The following GPR137C variants were observed in gnomAD, a reference collection of about 807,000 sequenced individuals.
GPR137C encodes integral membrane protein GPR137C.
Under a neutral mutation model 43.4 loss-of-function variants are expected in GPR137C, and 27 were observed. The ratio of observed to expected loss-of-function variants is 0.62; its 90% CI spans 0.46 to 0.86. The LOEUF is 0.86. Ranked by LOEUF, GPR137C falls within the 40% of genes least tolerant of loss-of-function variation. The pLI, the probability that GPR137C is intolerant of heterozygous loss-of-function variation, is 0.00. For synonymous variants in GPR137C, 285 were observed against 226.9 expected, an observed-to-expected ratio of 1.26 and a Z score of -2.30; for missense variants, 522 against 534.6, an observed-to-expected ratio of 0.98 and a Z score of 0.23.
intron 3 of GPR137C, among the ~76,000 whole-genome samples, chr14:52,619,213 C>T (rs2039132701): frequency 6.6e-6 from 1 of 152,104 alleles, no homozygotes; most frequent in Non-Finnish European, 1.5e-5. Context: ...TAATTCTATA[C>T]AGCTAACGCA....
intron 3 of GPR137C, among the ~76,000 whole-genome samples, chr14:52,606,396 CTTT>C (rs1208156795): frequency 6.6e-6 from 1 of 151,888 alleles, no homozygotes; most frequent in Non-Finnish European, 1.5e-5. Context: ...TTTTCTTTTT[CTTT>C]TTTATTTTAC....
intron 1 of GPR137C, among the ~76,000 whole-genome samples, chr14:52,556,814 A>G (rs1316241068): frequency 6.6e-6 from 1 of 152,036 alleles, no homozygotes; most frequent in Non-Finnish European, 1.5e-5. Flanking sequence ...AGTTGATGGT[A>G]TACCATCTTG....
At chr14:52,581,930 C>G (rs1205264468) in intron 1 of GPR137C, among the ~76,000 whole-genome samples, 1 of 152,222 alleles carries the variant, frequency 6.6e-6, no homozygotes, top group Non-Finnish European at 1.5e-5. Context: ...TCAGTACCTA[C>G]TATCTTCAAA....
At chr14:52,632,386 TTGA>T in intron 4 of GPR137C, 77 bp downstream of exon 4, 1 of 1,027,380 alleles carries the variant, frequency 9.7e-7, no homozygotes, top group Non-Finnish European at 1.4e-6. Context: ...ACTGTAGTGT[TTGA>T]CTTACAAACA....
At chr14:52,614,965 A>G (rs2039082484) in intron 3 of GPR137C, among the ~76,000 whole-genome samples, 1 of 152,160 alleles carries the variant, frequency 6.6e-6, no homozygotes, top group Admixed American at 6.5e-5. Flanking sequence ...TTAACTCGAT[A>G]GGATCCAATC....
In GPR137C at chr14:52,565,548, A is replaced by G. The variant is rs545843423; in HGVS notation, c.444+11957A>G. On this transcript the variant is annotated intron_variant, in intron 1 of 6. Coordinates refer to ENST00000321662, the MANE Select transcript of GPR137C (RefSeq NM_001099652.2). The stretch of plus-strand genomic sequence containing the variant: ...TGCTTTAGATCAGCCACTATTTTAC[A>G]TTTATTTCAAAAGAAATTTTGCATA... Among the ~76,000 whole-genome samples, 4 of 152,278 alleles carry G rather than the reference A, an allele frequency of 2.6e-5. No individual in the cohort carries two copies. In the East Asian group the frequency reaches 5.8e-4, roughly 22 times the overall value.
At chr14:52,588,032 C>G (rs920090804) in intron 1 of GPR137C, among the ~76,000 whole-genome samples, 1 of 152,172 alleles carries the variant, frequency 6.6e-6, no homozygotes, top group Admixed American at 6.5e-5. Context: ...AAGATATTTA[C>G]ATCATCTCTA....
chr14:52,553,425 C>T lies in GPR137C; in HGVS notation c.278C>T (p.Ala93Val). 2 of 1,608,996 alleles carry T rather than the reference C, an allele frequency of 1.2e-6. No individual in the cohort carries two copies. Among genetic ancestry groups the T allele is most frequent in the Non-Finnish European group, 8.5e-7 (1 of 1,179,798 alleles). Residue 93 changes from alanine (A) to valine (V), a missense_variant, in exon 1 of 7, where the codon GCA (alanine) becomes GTA (valine). By Grantham distance (64) the Ala-to-Val change is moderately conservative. This residue lies in a region of GPR137C where 437 missense variants were observed against 425.7 expected (regional missense o/e 1.03). Coordinates refer to ENST00000321662, the MANE Select transcript of GPR137C (RefSeq NM_001099652.2). ...SLCLFLCLLW[A>V]ALRTTLFSAA... The stretch of plus-strand genomic sequence containing the variant: ...TGCCTCTTCCTCTGTCTCCTGTGGG[C>T]AGCGCTCAGGACCACCCTCTTCTCC...
At chr14:52,602,803 G>A (rs560393455) in intron 3 of GPR137C, among the ~76,000 whole-genome samples, 1 of 152,084 alleles carries the variant, frequency 6.6e-6, no homozygotes, top group East Asian at 1.9e-4. Context: ...ATTTGTATGT[G>A]CCATCTAATT....
At chr14:52,625,092 C>T (rs970806120) in intron 3 of GPR137C, among the ~76,000 whole-genome samples, 14 of 152,068 alleles carry the variant, frequency 9.2e-5, no homozygotes, top group African/African-American at 3.4e-4. Context: ...AAGTTATTAT[C>T]AGAAATTTCT....
intron 1 of GPR137C, among the ~76,000 whole-genome samples, chr14:52,556,522 GA>G (rs1400712336): frequency 1.9e-4 from 28 of 143,666 alleles, no homozygotes; most frequent in Non-Finnish European, 1.5e-4. Context: ...GAGAGAGGGG[GA>G]AAAAAAAAAG....
chr14:52,626,122 G>A (rs1012482298), intron 3 of GPR137C, among the ~76,000 whole-genome samples: 1 of 152,130 alleles, frequency 6.6e-6, no homozygotes, highest in Non-Finnish European at 1.5e-5. Flanking sequence ...AATGTATACA[G>A]TAGGATGTGC....
At chr14:52,610,649 A>G (rs1222763163) in intron 3 of GPR137C, among the ~76,000 whole-genome samples, 1 of 152,198 alleles carries the variant, frequency 6.6e-6, no homozygotes, top group African/African-American at 2.4e-5. Context: ...AGGGTTTTGG[A>G]ACAAATACCC....
chr14:52,587,985 A>G (rs1367828059), intron 1 of GPR137C, among the ~76,000 whole-genome samples: 1 of 152,226 alleles, frequency 6.6e-6, no homozygotes. Context: ...AATCATTGGT[A>G]GATATTATGA....
Position 52,553,365 on chromosome 14 carries a change from T to G in GPR137C, c.218T>G (p.Leu73Arg), listed in dbSNP as rs764103668. The change falls in exon 1 of 7, where the codon CTG becomes CGG. Residue 73 changes from leucine to arginine, a missense_variant. Around this residue, in one of 3 missense-constraint regions of GPR137C, gnomAD observed 437 missense variants for 425.7 expected, o/e 1.03. Coordinates refer to ENST00000321662, the MANE Select transcript of GPR137C (RefSeq NM_001099652.2). ...TACCTGCAGCTGTGGCGGCTGCTCC[T>G]GTACCGCGAGCGGCGGCTGAGTTAC... The part of the protein sequence containing the change: ...FAYLQLWRLL[L>R]YRERRLSYQS... 8.1e-6 allele frequency: 13 copies of G among 1,604,430 alleles called. No homozygotes were observed. The highest frequency in any genetic ancestry group is 9.3e-6 in the Non-Finnish European group (11 of 1,179,074).
chr14:52,600,056 A>G, intron 2 of GPR137C, 57 bp from the exon 3 acceptor site: 7 of 1,160,432 alleles, frequency 6.0e-6, no homozygotes, highest in East Asian at 2.4e-5. Context: ...CTAATGCAGA[A>G]TTAAATTTGA....
intron 3 of GPR137C, among the ~76,000 whole-genome samples, chr14:52,624,215 TAA>T (rs202158396): frequency 1.1e-4 from 14 of 124,484 alleles, no homozygotes; most frequent in Non-Finnish European, 1.7e-4. Context: ...AACCCATGGG[TAA>T]AAAAAAAAAA....
chr14:52,557,662 T>C (rs1301317364), intron 1 of GPR137C, among the ~76,000 whole-genome samples: 3 of 152,222 alleles, frequency 2.0e-5, no homozygotes, highest in East Asian at 1.9e-4. Context: ...ACAAAAGACA[T>C]GATTATAATG....
intron 1 of GPR137C, among the ~76,000 whole-genome samples, chr14:52,579,365 A>G (rs963847259): frequency 1.3e-5 from 2 of 152,172 alleles, no homozygotes; most frequent in East Asian, 3.9e-4. Context: ...CAGGGTATGG[A>G]CTAGGGAAAG....
Sources: allele counts gnomAD v4.1 joint callset (sites outside exome capture counted in the v4.1 genomes callset), GRCh38; gene constraint gnomAD v4.1.1; regional missense constraint gnomAD v4.1.1; transcripts MANE v1.5; gene names NCBI Gene and HGNC (gene_info 2026-07-23, HGNC 2026-07-21).